SORCS1: variants seen among roughly 807,000 people sequenced by gnomAD.
The protein encoded by SORCS1 is VPS10 domain-containing receptor SorCS1.
SORCS1 carries 60 observed loss-of-function variants against 146.1 expected under a neutral mutation model. The observed-to-expected ratio is 0.41, with a 90% CI of 0.33 to 0.51. The LOEUF (loss-of-function observed/expected upper bound fraction) is 0.51. Ranked by LOEUF, SORCS1 falls within the 20% of genes least tolerant of loss-of-function variation. The pLI is 0.21. For missense variants in SORCS1, 1,352 were observed against 1,487.6 expected, an observed-to-expected ratio of 0.91 and a Z score of 1.50; for synonymous variants, 637 against 584.0, an observed-to-expected ratio of 1.09 and a Z score of -1.31.
chr10:106,599,422 A>G (rs1354286365), intron 23 of SORCS1, among the ~76,000 whole-genome samples: 1 of 151,400 alleles, frequency 6.6e-6, no homozygotes, highest in East Asian at 1.9e-4. Flanking sequence ...AAGGAGAAGG[A>G]GAAGTGGAGA....
chr10:106,600,471 T>C, intron 23 of SORCS1: 1 of 983,284 alleles, frequency 1.0e-6, no homozygotes, highest in Non-Finnish European at 1.2e-6. Flanking sequence ...ATTAGAACCA[T>C]GTGCTTTTCT....
intron 2 of SORCS1, among the ~76,000 whole-genome samples, chr10:106,856,895 C>T (rs1373473449): frequency 6.6e-6 from 1 of 152,204 alleles, no homozygotes; most frequent in Non-Finnish European, 1.5e-5. Context: ...ATTCGGGGGA[C>T]AGCATTTGTC....
intron 2 of SORCS1, among the ~76,000 whole-genome samples, chr10:106,836,990 G>GT (rs1405761486): frequency 6.6e-6 from 1 of 152,164 alleles, no homozygotes; most frequent in Non-Finnish European, 1.5e-5. Flanking sequence ...GTGCCTACAT[G>GT]TATTAGTTGG....
At chr10:106,720,259 A>G (rs1008811014) in intron 6 of SORCS1, among the ~76,000 whole-genome samples, 5 of 152,176 alleles carry the variant, frequency 3.3e-5, no homozygotes, top group Non-Finnish European at 7.3e-5. Flanking sequence ...GTAGATGTCC[A>G]ACAATATTTT....
intron 2 of SORCS1, among the ~76,000 whole-genome samples, chr10:106,897,812 T>G (rs568674433): frequency 6.6e-6 from 1 of 152,312 alleles, no homozygotes; most frequent in Non-Finnish European, 1.5e-5. Flanking sequence ...GCTTAGTCAA[T>G]GGTACACGTG....
intron 3 of SORCS1, among the ~76,000 whole-genome samples, chr10:106,787,980 G>A (rs1946135257): frequency 6.6e-6 from 1 of 152,214 alleles, no homozygotes; most frequent in African/African-American, 2.4e-5. Flanking sequence ...ACAGTTCATA[G>A]ATGGTTTGGC....
intron 23 of SORCS1, chr10:106,600,843 CAAAG>C (rs1462600417): frequency 1.7e-4 from 64 of 385,138 alleles, no homozygotes; most frequent in Non-Finnish European, 2.2e-4. Flanking sequence ...AACAAGCTGA[CAAAG>C]AGAGAGACAG....
chr10:106,908,264 G>C (rs920459896), intron 2 of SORCS1, among the ~76,000 whole-genome samples: 1 of 152,160 alleles, frequency 6.6e-6, no homozygotes, highest in Non-Finnish European at 1.5e-5. Flanking sequence ...GCATATGCCA[G>C]CACCCCTTGT....
In SORCS1 at chr10:106,840,863, A is replaced by ATTT. The variant is rs59611702; in HGVS notation, c.627-11193_627-11191dup. 9.8e-3 allele frequency among the ~76,000 whole-genome samples: 1,216 copies of ATTT among 124,120 alleles called. 22 individuals carry two copies. Among genetic ancestry groups the ATTT allele is most frequent in the African/African-American group, 0.03 (1,061 of 35,336 alleles). 81.4% of individuals were successfully genotyped at this position (124,120 alleles called of 152,430 possible). On this transcript the variant is annotated intron_variant, in intron 2 of 25. Transcript: ENST00000263054. ...ATATTATATATATATATATATATAT[A>ATTT]TTTTTTTTTTTTGGATGGAGTCTTG...
intron 1 of SORCS1, among the ~76,000 whole-genome samples, chr10:107,139,346 A>G (rs530113420): frequency 6.6e-6 from 1 of 152,150 alleles, no homozygotes; most frequent in African/African-American, 2.4e-5. Flanking sequence ...ACTCTGAAGA[A>G]AAAAAAAGTC....
chr10:106,789,641 T>A (rs1174930038), intron 3 of SORCS1, among the ~76,000 whole-genome samples: 2 of 152,242 alleles, frequency 1.3e-5, no homozygotes, highest in Non-Finnish European at 2.9e-5. Context: ...CTAATCAGCA[T>A]TTTGGTCAAA....
At chr10:107,111,820 C>T (rs2134459317) in intron 1 of SORCS1, among the ~76,000 whole-genome samples, 1 of 152,186 alleles carries the variant, frequency 6.6e-6, no homozygotes, top group East Asian at 1.9e-4. Flanking sequence ...ATCCTGAAAG[C>T]AGCAAGAGAA....
intron 5 of SORCS1, among the ~76,000 whole-genome samples, chr10:106,758,261 T>C (rs1858810811): frequency 6.6e-6 from 1 of 152,228 alleles, no homozygotes; most frequent in African/African-American, 2.4e-5. Context: ...CAGGTTATAA[T>C]AATGCATAAA....
At chr10:106,836,377 G>A (rs927318455) in intron 2 of SORCS1, among the ~76,000 whole-genome samples, 2 of 151,876 alleles carry the variant, frequency 1.3e-5, no homozygotes, top group Non-Finnish European at 2.9e-5. Context: ...GGGAGGCTGA[G>A]GCAGGAGAAT....
intron 1 of SORCS1, among the ~76,000 whole-genome samples, chr10:107,144,704 A>G (rs1333915404): frequency 1.3e-5 from 2 of 152,264 alleles, no homozygotes; most frequent in South Asian, 4.1e-4. Flanking sequence ...GCACTGTCTC[A>G]TAGGGAACAG....
rs574299514 is a variant in SORCS1 at position 107,014,543 on chromosome 10, G to A, written c.559-57963C>T. On this transcript the variant is annotated intron_variant, in intron 1 of 25. Coordinates refer to ENST00000263054, the MANE Select transcript of SORCS1 (RefSeq NM_052918.5). Reference sequence around the variant, plus strand: ...TTTAGGTCACAGCCAAAATGGAACCGAATTCCCTTGCTTTCTGTTATGTTA... The same window carrying A: ...TTTAGGTCACAGCCAAAATGGAACCAAATTCCCTTGCTTTCTGTTATGTTA... Among the ~76,000 whole-genome samples the A allele has an allele frequency of 1.2e-3, 179 of 152,212 alleles. 1 individual carries two copies. Among genetic ancestry groups the A allele is most frequent in the African/African-American group, 4.0e-3 (167 of 41,534 alleles).
chr10:106,592,754 TAATAC>T (rs1233822865), intron 24 of SORCS1, among the ~76,000 whole-genome samples: 10 of 151,982 alleles, frequency 6.6e-5, no homozygotes, highest in Admixed American at 2.6e-4. Flanking sequence ...GTTCTACATC[TAATAC>T]TCCTCCCCAC....
At chr10:106,914,885 G>T (rs1952337903) in intron 2 of SORCS1, among the ~76,000 whole-genome samples, 1 of 152,036 alleles carries the variant, frequency 6.6e-6, no homozygotes, top group African/African-American at 2.4e-5. Flanking sequence ...GCTCAACATT[G>T]ATCTTGGATT....
At chr10:106,948,646 T>C (rs1159580837) in intron 2 of SORCS1, among the ~76,000 whole-genome samples, 1 of 150,642 alleles carries the variant, frequency 6.6e-6, no homozygotes, top group Non-Finnish European at 1.5e-5. Context: ...AGCAAGACCC[T>C]GTTTCTTAAA....
Sources: allele counts gnomAD v4.1 joint callset (sites outside exome capture counted in the v4.1 genomes callset), GRCh38; gene constraint gnomAD v4.1.1; transcripts MANE v1.5; gene names NCBI Gene and HGNC (gene_info 2026-07-23, HGNC 2026-07-21).